Variants in KCNK13 observed in about 807,000 individuals in gnomAD.
KCNK13 encodes the protein potassium two pore domain channel subfamily K member 13, also known as potassium channel subfamily K member 13.
In KCNK13, 12 loss-of-function variants were observed where a neutral mutation model predicts 23.4. The ratio of observed to expected loss-of-function variants is 0.51; its 90% CI spans 0.33 to 0.83. The LOEUF (loss-of-function observed/expected upper bound fraction) is 0.83, where lower values mean the gene tolerates loss of function less well. KCNK13 is among the 40% of genes least tolerant of loss of function. The pLI, the probability that KCNK13 is intolerant of heterozygous loss-of-function variation, is 0.02. For missense variants in KCNK13, 463 were observed against 556.3 expected, an observed-to-expected ratio of 0.83 and a Z score of 1.69; for synonymous variants, 231 against 229.5, an observed-to-expected ratio of 1.01 and a Z score of -0.06.
intron 1 of KCNK13, among the ~76,000 whole-genome samples, chr14:90,143,531 T>A (rs1001881113): frequency 5.3e-5 from 8 of 152,212 alleles, no homozygotes; most frequent in Admixed American, 2.6e-4. Flanking sequence ...TGTACATGTC[T>A]GTCTTTATGC....
At position 90,184,250 on chromosome 14, in the gene KCNK13, G is replaced by A. The variant is rs758786405; in HGVS notation, c.474G>A (p.Lys158=). 6.8e-6 allele frequency: 11 copies of A among 1,614,242 alleles called. No homozygotes were observed. The highest frequency in any genetic ancestry group is 9.3e-6 in the Non-Finnish European group (11 of 1,180,050). ...TCACCATCATCGCCTACATCATGAA[G>A]TCGTGCCACCAGCGGCAGCTCCGGA... is the stretch of plus-strand genomic sequence containing the variant. ...RLITIIAYIM[K]SCHQRQLRRR... is the part of the protein sequence containing the mutation. The change falls in exon 2 of 2, where the codon AAG becomes AAA. Residue 158 remains lysine (K), a synonymous_variant. Coordinates refer to ENST00000282146, the MANE Select transcript of KCNK13 (RefSeq NM_022054.4). The surrounding 1 kb of genome is among the most constrained non-coding windows in gnomAD (Gnocchi z 5.6).
At chr14:90,124,262 T>C (rs575411846) in intron 1 of KCNK13, among the ~76,000 whole-genome samples, 1 of 152,340 alleles carries the variant, frequency 6.6e-6, no homozygotes, top group South Asian at 2.1e-4. Flanking sequence ...GCCTGTGATA[T>C]GTAGACACTG....
intron 1 of KCNK13, among the ~76,000 whole-genome samples, chr14:90,108,721 C>CT (rs1487976948): frequency 6.6e-6 from 1 of 152,142 alleles, no homozygotes; most frequent in African/African-American, 2.4e-5. Context: ...GTAGAACACT[C>CT]TGTTATTTAA....
At chr14:90,145,710 A>C (rs920122202) in intron 1 of KCNK13, among the ~76,000 whole-genome samples, 1 of 152,056 alleles carries the variant, frequency 6.6e-6, no homozygotes, top group Non-Finnish European at 1.5e-5. Flanking sequence ...TCATTTATTA[A>C]GAGATGGTTG....
At chr14:90,118,413 G>T (rs1395744139) in intron 1 of KCNK13, among the ~76,000 whole-genome samples, 2 of 152,126 alleles carry the variant, frequency 1.3e-5, no homozygotes, top group African/African-American at 4.8e-5. Context: ...TTTTCACAGT[G>T]CATACCCAAA....
chr14:90,093,784 T>A (rs1381369881), intron 1 of KCNK13, among the ~76,000 whole-genome samples: 1 of 152,226 alleles, frequency 6.6e-6, no homozygotes, highest in Admixed American at 6.5e-5. Context: ...GTTTCCTTGT[T>A]CATGGGTGGA....
At chr14:90,081,413 C>G (rs1889208233) in intron 1 of KCNK13, among the ~76,000 whole-genome samples, 1 of 152,196 alleles carries the variant, frequency 6.6e-6, no homozygotes, top group Admixed American at 6.5e-5. Flanking sequence ...TAACCAACTC[C>G]AAGAGTTGGA....
intron 1 of KCNK13, among the ~76,000 whole-genome samples, chr14:90,143,202 TC>T (rs1566644804): frequency 7.6e-6 from 1 of 131,014 alleles, no homozygotes; most frequent in African/African-American, 2.7e-5. Context: ...TTCTTTCTTT[TC>T]TTTCTTTTCT....
At chr14:90,142,487 T>A (rs1890020709) in intron 1 of KCNK13, among the ~76,000 whole-genome samples, 1 of 151,756 alleles carries the variant, frequency 6.6e-6, no homozygotes, top group Non-Finnish European at 1.5e-5. Context: ...CCCAGCTAAT[T>A]TTTTTTATTT....
chr14:90,075,295 A>G (rs1353902481), intron 1 of KCNK13, among the ~76,000 whole-genome samples: 4 of 152,180 alleles, frequency 2.6e-5, no homozygotes, highest in African/African-American at 4.8e-5. Context: ...TTTATTGGTG[A>G]TACAGAATCT....
chr14:90,075,830 C>T (rs1889128581), intron 1 of KCNK13, among the ~76,000 whole-genome samples: 2 of 152,326 alleles, frequency 1.3e-5, no homozygotes, highest in Middle Eastern at 3.4e-3. Flanking sequence ...TTTCATTCTT[C>T]TCATGCCTCT....
At chr14:90,065,251 T>C (rs1888994613) in intron 1 of KCNK13, among the ~76,000 whole-genome samples, 1 of 152,204 alleles carries the variant, frequency 6.6e-6, no homozygotes, top group Admixed American at 6.5e-5. Context: ...TGCTTTATTC[T>C]GCAAAGACTT....
At chr14:90,108,108 T>G in intron 1 of KCNK13, 1 of 433,286 alleles carries the variant, frequency 2.3e-6, no homozygotes, top group East Asian at 5.1e-5. Context: ...TTTTTTCTTC[T>G]TTTGCCTCAG....
At chr14:90,122,017 G>A (rs1889745032) in intron 1 of KCNK13, among the ~76,000 whole-genome samples, 1 of 152,072 alleles carries the variant, frequency 6.6e-6, no homozygotes, top group African/African-American at 2.4e-5. Context: ...ACCATGCCCA[G>A]CAGATGCATT....
At chr14:90,125,503 G>A (rs1376452485) in intron 1 of KCNK13, among the ~76,000 whole-genome samples, 2 of 151,900 alleles carry the variant, frequency 1.3e-5, no homozygotes, top group African/African-American at 4.8e-5. Context: ...GATTACAGGT[G>A]TGAGCCACCT....
At chr14:90,166,366 T>C (rs574524483) in intron 1 of KCNK13, among the ~76,000 whole-genome samples, 1 of 152,230 alleles carries the variant, frequency 6.6e-6, no homozygotes, top group Non-Finnish European at 1.5e-5. Context: ...ATGCTTTAAA[T>C]CAGCCTGTAA....
At chr14:90,080,078 G>A (rs1889189083) in intron 1 of KCNK13, among the ~76,000 whole-genome samples, 1 of 152,156 alleles carries the variant, frequency 6.6e-6, no homozygotes, top group African/African-American at 2.4e-5. Context: ...ACCAAAGTGA[G>A]GACGGCTGGA....
At chr14:90,084,959 T>G (rs1423764282) in intron 1 of KCNK13, among the ~76,000 whole-genome samples, 1 of 152,176 alleles carries the variant, frequency 6.6e-6, no homozygotes, top group African/African-American at 2.4e-5. Flanking sequence ...TTTATTTATT[T>G]TGAGATGGAG....
At chr14:90,064,333 G>A (rs528153514) in intron 1 of KCNK13, among the ~76,000 whole-genome samples, 1,183 of 115,920 alleles carry the variant, frequency 0.01, 15 homozygotes, top group African/African-American at 0.028. Flanking sequence ...CCATCTCTTG[G>A]TGCTCCCAGT....
Sources: gnomAD v4.1 joint callset for allele counts (sites outside exome capture counted in the v4.1 genomes callset) on GRCh38, gnomAD v4.1.1 for gene constraint, Gnocchi (gnomAD v3.1) non-coding constraint, MANE v1.5 for transcripts, NCBI Gene and HGNC (gene_info 2026-07-23, HGNC 2026-07-21) for gene names.